The following RGS8 variants were observed in gnomAD, a reference collection of about 807,000 sequenced individuals.
RGS8 encodes the protein regulator of G-protein signaling 8.
Under a neutral mutation model 21.7 loss-of-function variants are expected in RGS8, and 8 were observed. The observed-to-expected ratio is 0.37, with a 90% CI of 0.22 to 0.66. The LOEUF (loss-of-function observed/expected upper bound fraction) is 0.66, where lower values mean the gene tolerates loss of function less well. Among genes scored for constraint, RGS8 ranks in the 30% least tolerant of loss-of-function variants. The pLI is 0.59. For missense variants in RGS8, 157 were observed against 217.9 expected, an observed-to-expected ratio of 0.72 and a Z score of 1.76; for synonymous variants, 80 against 83.6, an observed-to-expected ratio of 0.96 and a Z score of 0.24.
upstream of RGS8, among the ~76,000 whole-genome samples, chr1:182,685,262 T>C (rs536269941): frequency 1.3e-5 from 2 of 151,840 alleles, no homozygotes; most frequent in African/African-American, 4.8e-5. Flanking sequence ...CATGGAGAAA[T>C]GGGGAGAATG....
At chr1:182,704,257 G>A in the RGS8 span, among the ~76,000 whole-genome samples, 7 of 152,184 alleles carry the variant, frequency 4.6e-5, no homozygotes, top group African/African-American at 1.4e-4. Context: ...CTGGGTACTA[G>A]AACTCTCAGG....
At chr1:182,749,502 G>A in the RGS8 span, among the ~76,000 whole-genome samples, 1 of 152,124 alleles carries the variant, frequency 6.6e-6, no homozygotes, top group Non-Finnish European at 1.5e-5. Flanking sequence ...GGACTTTGTA[G>A]TATACTTTGA....
At chr1:182,648,425 C>A in intron 5 of RGS8, 122 bp from the exon 7 acceptor site, 1 of 992,274 alleles carries the variant, frequency 1.0e-6, no homozygotes. Context: ...CACTGCTCCT[C>A]CACACCCTCT....
At chr1:182,646,707 G>T in exon 7 of RGS8, 1 of 1,582,966 alleles carries the variant, frequency 6.3e-7, no homozygotes, top group African/African-American at 1.4e-5. Flanking sequence ...GGGAAAGCCG[G>T]TGATTTCCAG....
upstream of RGS8, among the ~76,000 whole-genome samples, chr1:182,674,625 G>A (rs543998576): frequency 2.6e-5 from 4 of 152,286 alleles, no homozygotes; most frequent in East Asian, 5.8e-4. Context: ...GAATTAAGCT[G>A]AACCTAAAGT....
At chr1:182,715,738 C>A in the RGS8 span, among the ~76,000 whole-genome samples, 3 of 152,124 alleles carry the variant, frequency 2.0e-5, no homozygotes, top group African/African-American at 7.2e-5. Context: ...GCCAAGCCTG[C>A]CAGGTGTCTT....
chr1:182,672,901 C>T (rs369789809), upstream of RGS8: 961 of 1,584,560 alleles, frequency 6.1e-4, no homozygotes, highest in Middle Eastern at 1.3e-3. Context: ...GTTCTCCAAG[C>T]GTGGTCCCTG....
the RGS8 span, among the ~76,000 whole-genome samples, chr1:182,704,019 T>A: frequency 1.6e-4 from 24 of 152,336 alleles, no homozygotes; most frequent in East Asian, 4.6e-3. Flanking sequence ...AGGCAATATA[T>A]AAAGACTTTA....
At chr1:182,742,223 C>A in the RGS8 span, among the ~76,000 whole-genome samples, 2 of 150,438 alleles carry the variant, frequency 1.3e-5, no homozygotes, top group Admixed American at 6.6e-5. Flanking sequence ...GATGGGATGG[C>A]GGCCGGGCAG....
At chr1:182,688,995 T>C (rs1664763901), upstream of RGS8, among the ~76,000 whole-genome samples, 2 of 152,220 alleles carry the variant, frequency 1.3e-5, no homozygotes, top group South Asian at 4.1e-4. Context: ...ATAATAAATC[T>C]ATGCTGTTTA....
At chr1:182,734,224 A>G in the RGS8 span, among the ~76,000 whole-genome samples, 4 of 152,210 alleles carry the variant, frequency 2.6e-5, no homozygotes, top group East Asian at 1.9e-4. Flanking sequence ...CCTGGCCCCA[A>G]GTTATTTATT....
the RGS8 span, among the ~76,000 whole-genome samples, chr1:182,737,374 TG>T: frequency 6.6e-6 from 1 of 152,242 alleles, no homozygotes; most frequent in Non-Finnish European, 1.5e-5. Context: ...TGATGTGGTT[TG>T]GCTGTGTCCC....
At chr1:182,687,998 T>C (rs1157849676), upstream of RGS8, among the ~76,000 whole-genome samples, 1 of 152,248 alleles carries the variant, frequency 6.6e-6, no homozygotes, top group Non-Finnish European at 1.5e-5. Flanking sequence ...TGACTTATGA[T>C]AAACTGCATA....
the RGS8 span, among the ~76,000 whole-genome samples, chr1:182,738,230 G>T: frequency 1.3e-5 from 2 of 152,180 alleles, no homozygotes; most frequent in Non-Finnish European, 2.9e-5. Context: ...TATAACAAGA[G>T]CACAAGCTAT....
chr1:182,731,203 A>C, the RGS8 span, among the ~76,000 whole-genome samples: 1 of 152,318 alleles, frequency 6.6e-6, no homozygotes, highest in Non-Finnish European at 1.5e-5. Flanking sequence ...CAGTTGCTGG[A>C]GAATCTAGAT....
chr1:182,672,709 C>G (rs1664222724), upstream of RGS8: 1 of 1,316,372 alleles, frequency 7.6e-7, no homozygotes, highest in South Asian at 1.2e-5. Context: ...GCAACTTCCC[C>G]CTACTTGCAT....
chr1:182,705,613 A>AT, the RGS8 span, among the ~76,000 whole-genome samples: 1 of 136,128 alleles, frequency 7.3e-6, no homozygotes, highest in South Asian at 2.3e-4. Context: ...GAATGATCGC[A>AT]TAATACTCAT....
downstream of RGS8, chr1:182,643,769 T>C (rs1348041242): frequency 6.6e-6 from 1 of 152,360 alleles, no homozygotes; most frequent in East Asian, 1.9e-4. Flanking sequence ...CATGAATGGT[T>C]GATACTGACA....
the RGS8 span, among the ~76,000 whole-genome samples, chr1:182,731,536 C>G: frequency 2.0e-5 from 3 of 152,320 alleles, no homozygotes; most frequent in East Asian, 3.9e-4. Context: ...CTTGAAATCA[C>G]TGCTGAAAAA....
Sources: allele counts gnomAD v4.1 joint callset (sites outside exome capture counted in the v4.1 genomes callset), GRCh38; gene constraint gnomAD v4.1.1; transcripts MANE v1.5; gene names NCBI Gene and HGNC (gene_info 2026-07-23, HGNC 2026-07-21).